Variants in CACNA1F observed in about 807,000 individuals in gnomAD.
CACNA1F encodes the protein voltage-dependent L-type calcium channel subunit alpha-1F.
A neutral mutation model predicts 143.8 loss-of-function variants in CACNA1F; 59 were observed. That is an observed-to-expected ratio of 0.41 (90% CI 0.33 to 0.51). CACNA1F has a LOEUF of 0.51. CACNA1F is among the 20% of genes least tolerant of loss of function. CACNA1F has a pLI of 0.22. For synonymous variants in CACNA1F, 643 were observed against 649.1 expected (o/e 0.99, Z 0.14); for missense variants, 1,411 against 1,647.5 (o/e 0.86, Z 2.48).
rs186027767 is a variant in CACNA1F at position 49,225,012 on chromosome X, C to G, written c.1652-26G>C. 6.7e-6 allele frequency: 7 copies of G among 1,050,854 alleles called. No homozygotes were observed. In the African/African-American group the frequency reaches 9.4e-5, roughly 14 times the overall value. 86.6% of individuals were successfully genotyped at this position (1,050,854 alleles called of 1,213,427 possible). The stretch of plus-strand genomic sequence containing the variant: ...CTGTGGGGAGAGAGGCAGGGATGAT[C>G]GGGCTGGCCAGTTTCTGTGGTGACA... On this transcript the variant is annotated intron_variant, in intron 13 of 47. Transcript: ENST00000323022.
At chrX:49,226,839 C>T in intron 9 of CACNA1F, 131 bp downstream of exon 9, 2 of 1,032,612 alleles carry the variant, frequency 1.9e-6, no homozygotes, top group Middle Eastern at 2.8e-4. Context: ...AACTTGGGGG[C>T]TGGGGCTAGA....
At position 49,210,363 on chromosome X, in the gene CACNA1F, G is replaced by A. The variant is rs1192061637; in HGVS notation, c.4526C>T (p.Thr1509Met). ...AAAGAGTGTGGCGTTGAATGTCACC[G>A]TCCCATCTGAGTTGAGGGGCATGTT... is the stretch of plus-strand genomic sequence containing the variant. ...AMNMPLNSDG[T>M]VTFNATLFAL... Residue 1509 changes from threonine to methionine, a missense_variant, in exon 39 of 48, where the codon ACG becomes ATG. Transcript: ENST00000323022. 2.5e-6 allele frequency: 3 copies of A among 1,206,103 alleles called. No homozygotes were observed. Among genetic ancestry groups the A allele is most frequent in the Admixed American group, 4.4e-5 (2 of 45,788 alleles).
chrX:49,213,889 T>G lies in CACNA1F; in HGVS notation c.3722A>C (p.Asp1241Ala), dbSNP rs781951318. 5 of 1,193,695 alleles carry G rather than the reference T, an allele frequency of 4.2e-6. No homozygotes were observed. Among genetic ancestry groups the G allele is most frequent in the Non-Finnish European group, 5.7e-6 (5 of 881,263 alleles). The change falls in exon 31 of 48, where the codon GAT becomes GCT. Residue 1241 changes from aspartate (D) to alanine (A), a missense_variant. Asp to Ala is a moderately radical substitution (Grantham distance 126). Transcript: ENST00000323022. ...AAGAGCGTCAAACGTGTTCCAGGCA[T>G]CAGTGAAGTAATGCTGCAAGTAGGA... ...IAFKPKHYFT[D>A]AWNTFDALIV...
intron 18 of CACNA1F, 66 bp downstream of exon 18, chrX:49,220,969 T>G: frequency 2.3e-6 from 2 of 885,690 alleles, no homozygotes; most frequent in Admixed American, 4.4e-5. Flanking sequence ...AAAAAACAGA[T>G]ATGCACACAT....
rs1557107205 is a variant in CACNA1F at position 49,215,502 on chromosome X, C to T, written c.3278G>A (p.Gly1093Asp). 1 of 1,206,336 alleles carries T rather than the reference C, an allele frequency of 8.3e-7. No individual in the cohort carries two copies. Among genetic ancestry groups the T allele is most frequent in the African/African-American group, 1.7e-5 (1 of 57,158 alleles). ...KAIDAYAEDH[G>D]PIYNYRVEIS... is the part of the protein sequence containing the mutation. ...CTCCACACGGTAATTATAGATGGGG[C>T]CGTGGTCCTCTGCATATGCATCGAT... is the stretch of plus-strand genomic sequence containing the variant. The change falls in exon 28 of 48, where the codon GGC becomes GAC. Residue 1093 changes from glycine (G) to aspartate (D), a missense_variant. Gly to Asp is a moderately conservative substitution (Grantham distance 94). Around this residue, in one of 3 missense-constraint regions of CACNA1F, gnomAD observed 950 missense variants for 1,128.1 expected, o/e 0.84. Coordinates refer to ENST00000323022, the MANE Select transcript of CACNA1F (RefSeq NM_001256789.3).
chrX:49,221,796 A>G (rs1316877824), intron 17 of CACNA1F, among the ~76,000 whole-genome samples: 1 of 107,030 alleles, frequency 9.3e-6, no homozygotes, highest in Non-Finnish European at 1.9e-5. Context: ...CCTTGCCAAC[A>G]TGGTGAAACC....
chrX:49,225,835 A>G, intron 13 of CACNA1F, 74 bp downstream of exon 13: 2 of 1,038,039 alleles, frequency 1.9e-6, no homozygotes, highest in Admixed American at 5.3e-5. Flanking sequence ...GGCGCCCTAG[A>G]GGTTTTGGAT....
intron 35 of CACNA1F, 106 bp from the exon 36 acceptor site, chrX:49,211,587 C>G (rs782813359): frequency 3.0e-6 from 2 of 656,824 alleles, no homozygotes; most frequent in Admixed American, 4.7e-5. Context: ...TACTTCTCAC[C>G]AGGGGCTACA....
intron 17 of CACNA1F, 146 bp downstream of exon 17, chrX:49,222,376 G>A (rs1602644527): frequency 2.0e-6 from 1 of 507,201 alleles, no homozygotes; most frequent in Non-Finnish European, 3.5e-6. Flanking sequence ...ATAGATGCAT[G>A]TTGAATGAAT....
In CACNA1F at chrX:49,226,395, C is replaced by G. The variant is rs1242995311; in HGVS notation, c.1463+14G>C. 7 of 1,177,428 alleles carry G rather than the reference C, an allele frequency of 5.9e-6. No homozygotes were observed. In the East Asian group the frequency reaches 1.9e-4, roughly 31 times the overall value. ...ACTGGCTTCTGGGCTGGGTCAGGGG[C>G]TGGGGGCCCTCACAGGCAGCGTGTA... On this transcript the variant is annotated intron_variant, in intron 11 of 47. Transcript: ENST00000323022.
rs1354438779 is a variant in CACNA1F, at chrX:49,206,871, G to A, written c.5232-16C>T. On this transcript the variant is annotated splice_polypyrimidine_tract_variant and intron_variant, in intron 44 of 47. Coordinates refer to ENST00000323022, the MANE Select transcript of CACNA1F (RefSeq NM_001256789.3). ...GTAGGAAAGCCTGTGTGGGTGGGAG[G>A]GCCAGGGGTGAACTTGGGTCTGGGC... The A allele has an allele frequency of 3.3e-6, 4 of 1,198,344 alleles. No homozygotes were observed. Among genetic ancestry groups the A allele is most frequent in the Non-Finnish European group, 3.4e-6 (3 of 887,052 alleles).
rs1557107207 is a variant in CACNA1F at position 49,215,503 on chromosome X, C to T, written c.3277G>A (p.Gly1093Ser). The change falls in exon 28 of 48, where the codon GGC becomes AGC. Residue 1093 changes from glycine (G) to serine (S), a missense_variant. Coordinates refer to ENST00000323022, the MANE Select transcript of CACNA1F (RefSeq NM_001256789.3). ...TCCACACGGTAATTATAGATGGGGC[C>T]GTGGTCCTCTGCATATGCATCGATG... ...KAIDAYAEDH[G>S]PIYNYRVEIS... 8.3e-7 allele frequency: 1 copy of T among 1,205,984 alleles called. No homozygotes were observed. The highest frequency in any genetic ancestry group is 1.1e-6 in the Non-Finnish European group (1 of 892,219).
At chrX:49,210,773 C>T (rs1219954263) in intron 37 of CACNA1F, 87 bp from the exon 38 acceptor site, 2 of 888,897 alleles carry the variant, frequency 2.2e-6, no homozygotes, top group Non-Finnish European at 3.2e-6. Flanking sequence ...CTACCTCCTC[C>T]TACCAATACC....
Position 49,217,947 on chromosome X carries a change from G to T in CACNA1F, c.2987C>A (p.Thr996Asn). The stretch of plus-strand genomic sequence containing the variant: ...GGCGAACATAAATTGCAGAAGTGTG[G>T]TGACAATCATGATGTTTCCGATGGT... Reference protein sequence around the residue: ...IRTIGNIMIVTTLLQFMFACI... With the variant: ...IRTIGNIMIVNTLLQFMFACI... Residue 996 changes from threonine to asparagine, a missense_variant, in exon 25 of 48, where the codon ACC becomes AAC. Thr to Asn is a moderately conservative substitution (Grantham distance 65). Transcript: ENST00000323022. The T allele has an allele frequency of 8.3e-7, 1 of 1,211,083 alleles. No homozygotes were observed. The highest frequency in any genetic ancestry group is 1.1e-6 in the Non-Finnish European group (1 of 895,013).
rs782216598 is a variant in CACNA1F at position 49,230,298 on chromosome X, C to G, written c.739G>C (p.Val247Leu). ...CCAATGATGGCATAAATGATGATGA[C>G]GAAGAGCACGAGCAGTGCAATGTGC... is the stretch of plus-strand genomic sequence containing the variant. ...LLHIALLVLF[V>L]IIIYAIIGLE... is the part of the protein sequence containing the mutation. The change falls in exon 6 of 48, where the codon GTC (valine) becomes CTC (leucine). Residue 247 changes from valine (V) to leucine (L), a missense_variant. Physicochemically the swap from Val to Leu is conservative, Grantham distance 32. Around this residue, in one of 3 missense-constraint regions of CACNA1F, gnomAD observed 950 missense variants for 1,128.1 expected, o/e 0.84. Transcript: ENST00000323022. The G allele has an allele frequency of 5.0e-6, 6 of 1,206,883 alleles. No individual in the cohort carries two copies. Among genetic ancestry groups the G allele is most frequent in the East Asian group, 5.9e-5 (2 of 33,755 alleles).
intron 17 of CACNA1F, among the ~76,000 whole-genome samples, chrX:49,221,880 G>A (rs1221166687): frequency 9.1e-6 from 1 of 109,442 alleles, no homozygotes; most frequent in Admixed American, 9.7e-5. Context: ...CTACTCAGGA[G>A]GTTGAGGCAG....
intron 21 of CACNA1F, among the ~76,000 whole-genome samples, 156 bp from the exon 22 acceptor site, chrX:49,219,097 C>T (rs1309800136): frequency 9.0e-6 from 1 of 111,711 alleles, no homozygotes; most frequent in African/African-American, 3.3e-5. Flanking sequence ...TGCTTAACCT[C>T]TCTGAGCACA....
intron 14 of CACNA1F, among the ~76,000 whole-genome samples, chrX:49,224,436 G>T (rs782563407): frequency 1.9e-4 from 21 of 109,948 alleles, no homozygotes; most frequent in Non-Finnish European, 3.6e-4. Flanking sequence ...TATTGTGGTT[G>T]GGGGTTGGGA....
At chrX:49,219,583 C>T in intron 20 of CACNA1F, 51 bp downstream of exon 20, 2 of 1,178,428 alleles carry the variant, frequency 1.7e-6, no homozygotes, top group Non-Finnish European at 2.3e-6. Flanking sequence ...CCATGCTCCT[C>T]CACCTGCCCT....
Sources: allele counts gnomAD v4.1 joint callset (sites outside exome capture counted in the v4.1 genomes callset), GRCh38; gene constraint gnomAD v4.1.1; regional missense constraint gnomAD v4.1.1; transcripts MANE v1.5; gene names NCBI Gene and HGNC (gene_info 2026-07-23, HGNC 2026-07-21).